The following GRIN3A variants were observed in gnomAD, a reference collection of about 807,000 sequenced individuals.
The protein encoded by GRIN3A is glutamate ionotropic receptor NMDA type subunit 3A.
In GRIN3A, 47 loss-of-function variants were observed where a neutral mutation model predicts 92.4. The ratio of observed to expected loss-of-function variants is 0.51; its 90% CI spans 0.40 to 0.65. The LOEUF is 0.65. GRIN3A is among the 30% of genes least tolerant of loss of function. The pLI is 0.00. For synonymous variants in GRIN3A, 527 were observed against 540.6 expected (o/e 0.97, Z 0.35); for missense variants, 1,324 against 1,393.1 (o/e 0.95, Z 0.79).
At chr9:101,600,024 A>G (rs1217635981) in intron 6 of GRIN3A, among the ~76,000 whole-genome samples, 1 of 152,156 alleles carries the variant, frequency 6.6e-6, no homozygotes, top group African/African-American at 2.4e-5. Context: ...TGTTTAATGA[A>G]TTTTGGCATG....
chr9:101,576,638 T>G (rs1827831232), intron 8 of GRIN3A, among the ~76,000 whole-genome samples: 1 of 152,170 alleles, frequency 6.6e-6, no homozygotes, highest in South Asian at 2.1e-4. Flanking sequence ...TATTAAAAAT[T>G]TATGTTAAAA....
chr9:101,589,536 T>C (rs887529721), intron 6 of GRIN3A, among the ~76,000 whole-genome samples: 1 of 152,228 alleles, frequency 6.6e-6, no homozygotes, highest in Admixed American at 6.5e-5. Context: ...TATTTTTCCA[T>C]GTTTGTTTTA....
At chr9:101,732,517 C>T (rs1407428824) in intron 1 of GRIN3A, among the ~76,000 whole-genome samples, 1 of 152,082 alleles carries the variant, frequency 6.6e-6, no homozygotes, top group East Asian at 1.9e-4. Flanking sequence ...TCTTCTTTTT[C>T]CAGGCAAGTG....
chr9:101,638,539 A>G (rs1450898710), intron 3 of GRIN3A, among the ~76,000 whole-genome samples: 2 of 152,234 alleles, frequency 1.3e-5, no homozygotes, highest in African/African-American at 4.8e-5. Flanking sequence ...TGTGTAAGAC[A>G]AATTATTTCA....
chr9:101,604,610 T>C lies in GRIN3A; in HGVS notation c.2766+8766A>G, dbSNP rs139530469. 5.7e-3 allele frequency among the ~76,000 whole-genome samples: 860 copies of C among 152,142 alleles called. 9 individuals carry two copies. The highest frequency in any genetic ancestry group is 0.019 in the African/African-American group (807 of 41,444). On this transcript the variant is annotated intron_variant, in intron 6 of 8. Coordinates refer to ENST00000361820, the MANE Select transcript of GRIN3A (RefSeq NM_133445.3). ...TTGCCTCCCCATAACTTTCATCAGG[T>C]TGAAGAGCAGACAGTGACATTTTAA...
intron 6 of GRIN3A, among the ~76,000 whole-genome samples, chr9:101,598,280 A>T (rs549895291): frequency 1.6e-4 from 24 of 152,212 alleles, no homozygotes; most frequent in Middle Eastern, 3.2e-3. Flanking sequence ...AGCTCATAAC[A>T]TTCCCAGTGC....
At chr9:101,669,786 T>C (rs1829292959) in intron 3 of GRIN3A, among the ~76,000 whole-genome samples, 1 of 152,026 alleles carries the variant, frequency 6.6e-6, no homozygotes, top group South Asian at 2.1e-4. Flanking sequence ...GGTCAAATAA[T>C]ACAAGGAAAA....
chr9:101,606,692 AT>A (rs1342099749), intron 6 of GRIN3A, among the ~76,000 whole-genome samples: 1 of 151,844 alleles, frequency 6.6e-6, no homozygotes, highest in Non-Finnish European at 1.5e-5. Flanking sequence ...GACTAGTTCC[AT>A]TTGGTAAAAA....
chr9:101,666,195 C>T (rs1039816379), intron 3 of GRIN3A, among the ~76,000 whole-genome samples: 4 of 151,912 alleles, frequency 2.6e-5, no homozygotes, highest in East Asian at 1.9e-4. Context: ...CCCTGGGGAT[C>T]GCATACTCCC....
rs991027640 is a variant in GRIN3A, at chr9:101,738,271, C to G, written c.-292G>C. 6.4e-6 allele frequency: 3 copies of G among 467,620 alleles called. No individual in the cohort carries two copies. The South Asian group carries it at 6.9e-5, about 11-fold the overall frequency. The allele number at this position is 467,620 out of a possible 1,614,324, so 29.0% of individuals were successfully genotyped here. On this transcript the variant is annotated 5_prime_UTR_variant, in exon 1 of 9. Coordinates refer to ENST00000361820, the MANE Select transcript of GRIN3A (RefSeq NM_133445.3). ...GCCTGTCACCCGCAGCTGGAGCGCC[C>G]GTTCCCTGCCCGCCCCATCTGCAGG...
chr9:101,629,068 G>A (rs1243037642), intron 3 of GRIN3A, among the ~76,000 whole-genome samples: 2 of 151,946 alleles, frequency 1.3e-5, no homozygotes, highest in African/African-American at 4.8e-5. Context: ...ACACAGTAAA[G>A]GTGTAACAAT....
At position 101,670,754 on chromosome 9, in the gene GRIN3A, G is replaced by A. The variant is rs1829306640; in HGVS notation, c.1658C>T (p.Thr553Ile). The A allele has an allele frequency of 6.2e-7, 1 of 1,614,084 alleles. No homozygotes were observed. Among genetic ancestry groups the A allele is most frequent in the African/African-American group, 1.3e-5 (1 of 75,050 alleles). ...GAGGCTGCTAAAAAGGCTGTCCAATGTGGAAGAGTCATTAGTCATGGGGTC... is the reference window on the plus strand; with the variant it reads ...GAGGCTGCTAAAAAGGCTGTCCAATATGGAAGAGTCATTAGTCATGGGGTC... The part of the protein sequence containing the change: ...CLDPMTNDSS[T>I]LDSLFSSLHS... The change falls in exon 3 of 9, where the codon ACA becomes ATA. Residue 553 changes from threonine to isoleucine, a missense_variant. Coordinates refer to ENST00000361820, the MANE Select transcript of GRIN3A (RefSeq NM_133445.3).
At chr9:101,656,592 G>A (rs1829091343) in intron 3 of GRIN3A, among the ~76,000 whole-genome samples, 1 of 151,860 alleles carries the variant, frequency 6.6e-6, no homozygotes, top group Non-Finnish European at 1.5e-5. Context: ...TAGGGATCTT[G>A]TTAAAATGCA....
chr9:101,596,963 G>T (rs1828142367), intron 6 of GRIN3A, among the ~76,000 whole-genome samples: 1 of 152,168 alleles, frequency 6.6e-6, no homozygotes, highest in South Asian at 2.1e-4. Flanking sequence ...CCAAGTACGG[G>T]ACCTTATGAG....
chr9:101,616,542 A>C (rs1828455968), intron 5 of GRIN3A, among the ~76,000 whole-genome samples: 1 of 152,048 alleles, frequency 6.6e-6, no homozygotes, highest in Non-Finnish European at 1.5e-5. Context: ...TATTAGAAAA[A>C]AATACAATCC....
At chr9:101,703,627 G>A (rs914211246) in intron 1 of GRIN3A, among the ~76,000 whole-genome samples, 10 of 152,194 alleles carry the variant, frequency 6.6e-5, no homozygotes, top group Non-Finnish European at 1.3e-4. Context: ...CAGGACCTAG[G>A]AAAACGTTCA....
intron 3 of GRIN3A, among the ~76,000 whole-genome samples, chr9:101,647,788 C>T (rs1279221254): frequency 2.0e-5 from 3 of 151,740 alleles, no homozygotes; most frequent in South Asian, 4.1e-4. Context: ...TTGTTAATAA[C>T]GGTCTCTGTT....
chr9:101,677,691 G>T (rs763938878), intron 2 of GRIN3A, among the ~76,000 whole-genome samples: 1 of 151,986 alleles, frequency 6.6e-6, no homozygotes. Flanking sequence ...CACCAAAGCC[G>T]AGCCCTGTGG....
intron 6 of GRIN3A, 82 bp downstream of exon 6, chr9:101,613,294 G>A: frequency 2.9e-6 from 4 of 1,403,184 alleles, no homozygotes; most frequent in South Asian, 1.2e-5. Flanking sequence ...CCTAGATGAT[G>A]AGGCACAAGT....
Sources: allele counts gnomAD v4.1 joint callset (sites outside exome capture counted in the v4.1 genomes callset), GRCh38; gene constraint gnomAD v4.1.1; transcripts MANE v1.5; gene names NCBI Gene and HGNC (gene_info 2026-07-23, HGNC 2026-07-21).